The following HLCS variants were observed in gnomAD, a reference collection of about 807,000 sequenced individuals.
HLCS encodes the protein holocarboxylase synthetase, also known as biotin--protein ligase.
HLCS carries 53 observed loss-of-function variants against 75.0 expected under a neutral mutation model. The observed-to-expected ratio is 0.71, with a 90% CI of 0.57 to 0.89. HLCS has a LOEUF of 0.89. Ranked by LOEUF, HLCS falls within the 40% of genes least tolerant of loss-of-function variation. HLCS has a pLI of 0.00. For missense variants in HLCS, 966 were observed against 1,074.0 expected, an observed-to-expected ratio of 0.90 and a Z score of 1.41; for synonymous variants, 431 against 428.6, an observed-to-expected ratio of 1.01 and a Z score of -0.07.
chr21:36,838,728 GAGAC>G (rs2062511190), intron 6 of HLCS, among the ~76,000 whole-genome samples: 1 of 150,952 alleles, frequency 6.6e-6, no homozygotes, highest in Non-Finnish European at 1.5e-5. Flanking sequence ...AAAAAAGAGA[GAGAC>G]AGAAAAGGAG....
At chr21:36,839,049 A>G (rs1015263867) in intron 6 of HLCS, among the ~76,000 whole-genome samples, 3 of 152,216 alleles carry the variant, frequency 2.0e-5, no homozygotes, top group Non-Finnish European at 4.4e-5. Context: ...TTGGAGCAGC[A>G]AAGGAGCATC....
chr21:36,774,010 CTTTCTAG>C lies in HLCS; in HGVS notation c.1893-6732_1893-6726del, dbSNP rs561067519. Among the ~76,000 whole-genome samples, 7 of 152,262 alleles carry C rather than the reference CTTTCTAG, an allele frequency of 4.6e-5. No homozygotes were observed. In the South Asian group the frequency reaches 1.4e-3, roughly 32 times the overall value. On this transcript the variant is annotated intron_variant, in intron 6 of 10. Transcript: ENST00000674895. ...AATACGATTGATTTTTTTTAAGCTA[CTTTCTAG>C]GCAGGAATGCACAAGATTGTTTTTT... is the stretch of plus-strand genomic sequence containing the variant.
Position 36,752,197 on chromosome 21 carries a change from G to A in HLCS, c.*2049C>T, listed in dbSNP as rs184082908. The A allele has an allele frequency of 4.6e-5, 7 of 152,786 alleles. No homozygotes were observed. The East Asian group carries it at 1.3e-3, about 29-fold the overall frequency. The allele number at this position is 152,786 out of a possible 1,614,324, so 9.5% of individuals were successfully genotyped here. ...CTCTCAGGACAACTGAGTCTCCTGC[G>A]TGAGGGAGGAGCGCCTGCTGGAAAG... On this transcript the variant is annotated 3_prime_UTR_variant, in exon 11 of 11. Coordinates refer to ENST00000674895, the MANE Select transcript of HLCS (RefSeq NM_001352514.2).
Position 36,896,876 on chromosome 21 carries a change from T to C in HLCS, c.1876A>G (p.Met626Val). ...ACACCTTACCCATCCAGGAGACGCA[T>C]CGTTGTGGGGGTCACTTCGGCAAAC... ...ILFAEVTPTT[M>V]RLLDGLMFQT... is the part of the protein sequence containing the mutation. Residue 626 changes from methionine to valine, a missense_variant, in exon 6 of 11, where the codon ATG becomes GTG. Transcript: ENST00000674895. The C allele has an allele frequency of 6.2e-7, 1 of 1,614,134 alleles. No homozygotes were observed. Among genetic ancestry groups the C allele is most frequent in the Non-Finnish European group, 8.5e-7 (1 of 1,180,002 alleles).
intron 6 of HLCS, among the ~76,000 whole-genome samples, chr21:36,858,190 A>T (rs1374176349): frequency 1.3e-5 from 2 of 152,320 alleles, no homozygotes; most frequent in East Asian, 3.9e-4. Flanking sequence ...AAACTTAAGA[A>T]ATCTTATCTC....
intron 6 of HLCS, among the ~76,000 whole-genome samples, chr21:36,857,626 G>T (rs2063239805): frequency 6.6e-6 from 1 of 151,852 alleles, no homozygotes; most frequent in African/African-American, 2.4e-5. Flanking sequence ...CCCTCGCTGG[G>T]GCTCCTGCTC....
chr21:36,931,703 C>T (rs1250009385), intron 4 of HLCS, among the ~76,000 whole-genome samples: 1 of 150,662 alleles, frequency 6.6e-6, no homozygotes, highest in Non-Finnish European at 1.5e-5. Context: ...CAGCCATGAT[C>T]GTGCCACTGC....
intron 6 of HLCS, among the ~76,000 whole-genome samples, chr21:36,801,140 T>A (rs575631804): frequency 6.6e-6 from 1 of 152,188 alleles, no homozygotes; most frequent in African/African-American, 2.4e-5. Context: ...AACATATTTA[T>A]GTAGGAAAAT....
chr21:36,940,016 T>C (rs1335052335), intron 2 of HLCS, among the ~76,000 whole-genome samples: 1 of 152,130 alleles, frequency 6.6e-6, no homozygotes, highest in African/African-American at 2.4e-5. Context: ...GCCACTGCAC[T>C]CCAGCCTGGG....
intron 1 of HLCS, among the ~76,000 whole-genome samples, chr21:36,983,695 G>A (rs965854550): frequency 1.3e-5 from 2 of 151,738 alleles, no homozygotes; most frequent in African/African-American, 2.4e-5. Context: ...AAATTAGCCC[G>A]GCGTGGTGGC....
chr21:36,886,529 G>A (rs560996489), intron 6 of HLCS, among the ~76,000 whole-genome samples: 27 of 152,050 alleles, frequency 1.8e-4, no homozygotes, highest in East Asian at 9.7e-4. Flanking sequence ...TACCCTGAAG[G>A]AGGCCATGTT....
intron 6 of HLCS, among the ~76,000 whole-genome samples, chr21:36,802,733 G>T (rs928936219): frequency 2.0e-5 from 3 of 152,162 alleles, no homozygotes; most frequent in East Asian, 1.9e-4. Flanking sequence ...ATTTATGACA[G>T]AAGTAGGGTT....
chr21:36,779,433 A>T (rs1051119072), intron 6 of HLCS, among the ~76,000 whole-genome samples: 8 of 152,052 alleles, frequency 5.3e-5, no homozygotes, highest in Non-Finnish European at 1.0e-4. Context: ...ATAAACTCCA[A>T]TCCAATCCAA....
chr21:36,857,318 CCTTT>C (rs2063228997), intron 6 of HLCS, among the ~76,000 whole-genome samples: 1 of 152,152 alleles, frequency 6.6e-6, no homozygotes, highest in Non-Finnish European at 1.5e-5. Flanking sequence ...CTTTCTTTAA[CCTTT>C]CTGTTTGTTC....
At chr21:36,846,951 A>G (rs759789754) in intron 6 of HLCS, among the ~76,000 whole-genome samples, 1 of 152,226 alleles carries the variant, frequency 6.6e-6, no homozygotes, top group Non-Finnish European at 1.5e-5. Context: ...TCAAAAGGCC[A>G]TTCCAGGAAC....
intron 6 of HLCS, among the ~76,000 whole-genome samples, chr21:36,810,561 T>C (rs535728727): frequency 1.1e-4 from 17 of 152,300 alleles, no homozygotes; most frequent in Middle Eastern, 3.4e-3. Context: ...TGCCTGCTTC[T>C]GCTCACTCTC....
At chr21:36,828,361 T>C (rs918113457) in intron 6 of HLCS, among the ~76,000 whole-genome samples, 1 of 140,894 alleles carries the variant, frequency 7.1e-6, no homozygotes, top group Non-Finnish European at 1.5e-5. Context: ...CATTCAGAAG[T>C]GTGTGGAATG....
At chr21:36,817,855 C>G (rs1021015507) in intron 6 of HLCS, among the ~76,000 whole-genome samples, 11 of 152,212 alleles carry the variant, frequency 7.2e-5, no homozygotes, top group African/African-American at 2.7e-4. Flanking sequence ...TCCTACACAT[C>G]AAACCCTACT....
chr21:36,769,639 G>A (rs2090162510), intron 6 of HLCS, among the ~76,000 whole-genome samples: 1 of 152,244 alleles, frequency 6.6e-6, no homozygotes, highest in African/African-American at 2.4e-5. Flanking sequence ...GCGGCACTCA[G>A]GAAAAGCGCT....
Sources: gnomAD v4.1 joint callset for allele counts (sites outside exome capture counted in the v4.1 genomes callset) on GRCh38, gnomAD v4.1.1 for gene constraint, MANE v1.5 for transcripts, NCBI Gene and HGNC (gene_info 2026-07-23, HGNC 2026-07-21) for gene names.